The following A1CF variants were observed in gnomAD, a reference collection of about 807,000 sequenced individuals.
A1CF encodes the protein APOBEC1 complementation factor.
A1CF carries 48 observed loss-of-function variants against 68.9 expected under a neutral mutation model. That is an observed-to-expected ratio of 0.70 (90% CI 0.55 to 0.89). The LOEUF (loss-of-function observed/expected upper bound fraction) is 0.89. Among genes scored for constraint, A1CF ranks in the 40% least tolerant of loss-of-function variants. The pLI, the probability that A1CF is intolerant of heterozygous loss-of-function variation, is 0.00. For missense variants in A1CF, 653 were observed against 718.9 expected (o/e 0.91, Z 1.05); for synonymous variants, 272 against 260.4 (o/e 1.04, Z -0.43).
intron 4 of A1CF, among the ~76,000 whole-genome samples, chr10:50,843,289 G>C (rs1839858613): frequency 6.6e-6 from 1 of 152,118 alleles, no homozygotes; most frequent in Admixed American, 6.5e-5. Context: ...TTGTCCTCAT[G>C]CCAAGAGGGA....
At chr10:50,827,870 AC>A (rs1839038955) in intron 7 of A1CF, among the ~76,000 whole-genome samples, 1 of 152,202 alleles carries the variant, frequency 6.6e-6, no homozygotes, top group African/African-American at 2.4e-5. Context: ...TAAAAGATCA[AC>A]AAAATTGATA....
At chr10:50,869,827 T>A (rs1841165702) in intron 1 of A1CF, among the ~76,000 whole-genome samples, 1 of 152,054 alleles carries the variant, frequency 6.6e-6, no homozygotes, top group Non-Finnish European at 1.5e-5. Flanking sequence ...TTGTTATCTC[T>A]GGGTGAGTGG....
chr10:50,868,880 G>A (rs1292944234), intron 1 of A1CF, among the ~76,000 whole-genome samples: 1 of 152,130 alleles, frequency 6.6e-6, no homozygotes, highest in Admixed American at 6.6e-5. Flanking sequence ...CTGCAGAGGA[G>A]GATAACAGAA....
chr10:50,808,463 G>A (rs1837937886), intron 12 of A1CF, among the ~76,000 whole-genome samples: 1 of 152,150 alleles, frequency 6.6e-6, no homozygotes, highest in South Asian at 2.1e-4. Context: ...GGTGTCTTTG[G>A]GGTGCAGCTT....
At chr10:50,878,423 C>T (rs956678249) in intron 1 of A1CF, among the ~76,000 whole-genome samples, 1 of 152,128 alleles carries the variant, frequency 6.6e-6, no homozygotes, top group Non-Finnish European at 1.5e-5. Context: ...TTGAAACAAC[C>T]CTGACTTTAC....
intron 9 of A1CF, among the ~76,000 whole-genome samples, chr10:50,814,313 C>G (rs11598887): frequency 0.22 from 33,122 of 152,072 alleles, 4,226 homozygotes; most frequent in East Asian, 0.46. Context: ...AGTACACAAA[C>G]AACTTAAAAA....
chr10:50,879,495 G>T (rs1215708641), intron 1 of A1CF, among the ~76,000 whole-genome samples: 6 of 152,162 alleles, frequency 3.9e-5, no homozygotes, highest in Admixed American at 3.9e-4. Context: ...AAAGAAAGAG[G>T]TTTAATTGAC....
At chr10:50,841,824 G>A (rs1462843324) in intron 5 of A1CF, 38 bp downstream of exon 5, 1 of 1,607,192 alleles carries the variant, frequency 6.2e-7, no homozygotes, top group East Asian at 2.2e-5. Context: ...CAGGTGCATT[G>A]TTTGTTTCAC....
chr10:50,867,011 G>A (rs1031673459), intron 1 of A1CF, among the ~76,000 whole-genome samples: 4 of 150,930 alleles, frequency 2.7e-5, no homozygotes, highest in South Asian at 4.2e-4. Context: ...CAACATGCCT[G>A]GCCTGTTTTT....
intron 1 of A1CF, among the ~76,000 whole-genome samples, chr10:50,866,082 A>G (rs1454127735): frequency 6.6e-6 from 1 of 152,230 alleles, no homozygotes; most frequent in Non-Finnish European, 1.5e-5. Flanking sequence ...ATCTGAATTG[A>G]AAGTCCTAAT....
In A1CF at chr10:50,859,919, C is replaced by A; in HGVS notation, c.22G>T (p.Gly8Trp). The A allele has an allele frequency of 6.2e-7, 1 of 1,613,884 alleles. No homozygotes were observed. The highest frequency in any genetic ancestry group is 8.5e-7 in the Non-Finnish European group (1 of 1,179,918). Residue 8 changes from glycine (G) to tryptophan (W), a missense_variant, in exon 3 of 13, where the codon GGG (glycine) becomes TGG (tryptophan). Transcript: ENST00000373997. Reference protein sequence around the residue: MESNHKSGDGLSGTQKEA... With the variant: MESNHKSWDGLSGTQKEA... ...TTCTGAGTGCCGCTCAATCCATCCC[C>A]GGATTTGTGATTTGATTCCATTGAG...
At chr10:50,870,214 C>G (rs548136335) in intron 1 of A1CF, among the ~76,000 whole-genome samples, 3 of 151,440 alleles carry the variant, frequency 2.0e-5, no homozygotes, top group Non-Finnish European at 4.4e-5. Flanking sequence ...TTTTTGTAAA[C>G]GATAGTCTGT....
intron 1 of A1CF, among the ~76,000 whole-genome samples, chr10:50,877,464 C>T (rs1247081096): frequency 1.3e-5 from 2 of 152,188 alleles, no homozygotes; most frequent in Non-Finnish European, 2.9e-5. Context: ...CTGCCAATCA[C>T]TGACTAATGG....
rs1387529209 is a variant in A1CF, at chr10:50,806,323, G to A, written c.*406C>T. ...CTTTGTGTATCACAAAAGCAGCTGT[G>A]AGCCAGAGGTAAGACTCTGGAGTTT... is the stretch of plus-strand genomic sequence containing the variant. On this transcript the variant is annotated 3_prime_UTR_variant, in exon 13 of 13. Transcript: ENST00000373997. The A allele has an allele frequency of 6.5e-6, 1 of 152,840 alleles. No homozygotes were observed. Among genetic ancestry groups the A allele is most frequent in the Non-Finnish European group, 1.5e-5 (1 of 68,574 alleles). 9.5% of individuals were successfully genotyped at this position (152,840 alleles called of 1,614,324 possible).
At chr10:50,853,966 A>G (rs1167527760) in intron 3 of A1CF, among the ~76,000 whole-genome samples, 1 of 152,114 alleles carries the variant, frequency 6.6e-6, no homozygotes, top group Non-Finnish European at 1.5e-5. Context: ...GGATTGGACT[A>G]TATCAATATT....
intron 10 of A1CF, 103 bp from the exon 11 acceptor site, chr10:50,811,279 T>C: frequency 8.5e-7 from 1 of 1,181,914 alleles, no homozygotes. Context: ...CAAGCTAGTA[T>C]CTGAAGACAT....
At chr10:50,859,728 T>C in intron 3 of A1CF, 114 bp downstream of exon 3, 2 of 847,372 alleles carry the variant, frequency 2.4e-6, no homozygotes, top group Non-Finnish European at 3.7e-6. Context: ...GAAAGGGACA[T>C]TTCTCTAAAG....
intron 1 of A1CF, among the ~76,000 whole-genome samples, chr10:50,883,229 G>A (rs565842492): frequency 1.3e-5 from 2 of 152,124 alleles, no homozygotes; most frequent in Admixed American, 6.6e-5. Context: ...AAATGAAAAG[G>A]GAAGTGGGGT....
chr10:50,809,849 A>G lies in A1CF; in HGVS notation c.1609+45T>C, dbSNP rs201410872. 34 of 1,610,526 alleles carry G rather than the reference A, an allele frequency of 2.1e-5. No homozygotes were observed. The African/African-American group carries it at 3.9e-4, about 18-fold the overall frequency. On this transcript the variant is annotated intron_variant, in intron 12 of 12. Transcript: ENST00000373997. ...CAATGGTACCAAAAAAGGGTTTCCC[A>G]AATACTCTCTGCAGGGCGCCATTTC...
Sources: gnomAD v4.1 joint callset for allele counts (sites outside exome capture counted in the v4.1 genomes callset) on GRCh38, gnomAD v4.1.1 for gene constraint, MANE v1.5 for transcripts, NCBI Gene and HGNC (gene_info 2026-07-23, HGNC 2026-07-21) for gene names.